The following PCDHGA1 variants were observed in gnomAD, a reference collection of about 807,000 sequenced individuals.
PCDHGA1 encodes the protein protocadherin gamma-A1.
A neutral mutation model predicts 58.0 loss-of-function variants in PCDHGA1; 32 were observed. The observed-to-expected ratio is 0.55, with a 90% CI of 0.42 to 0.74. PCDHGA1 has a LOEUF of 0.74. Among genes scored for constraint, PCDHGA1 ranks in the 30% least tolerant of loss-of-function variants. The pLI is 0.00. For synonymous variants in PCDHGA1, 498 were observed against 501.1 expected, an observed-to-expected ratio of 0.99 and a Z score of 0.08; for missense variants, 1,205 against 1,182.3, an observed-to-expected ratio of 1.02 and a Z score of -0.28.
At chr5:141,421,892 T>C in intron 1 of PCDHGA1, 1 of 1,613,684 alleles carries the variant, frequency 6.2e-7, no homozygotes, top group Non-Finnish European at 8.5e-7. Context: ...GGCGATCCCA[T>C]CCGAAAGGGC....
intron 1 of PCDHGA1, among the ~76,000 whole-genome samples, chr5:141,466,670 G>T (rs994949602): frequency 6.6e-6 from 1 of 152,046 alleles, no homozygotes; most frequent in Non-Finnish European, 1.5e-5. Flanking sequence ...TGATTTCACC[G>T]TTCTTCCACT....
chr5:141,502,468 C>A (rs1007796183), intron 2 of PCDHGA1, among the ~76,000 whole-genome samples: 6 of 151,190 alleles, frequency 4.0e-5, no homozygotes, highest in Non-Finnish European at 8.8e-5. Flanking sequence ...GGAATACTTC[C>A]CGCAGCATCA....
intron 1 of PCDHGA1, among the ~76,000 whole-genome samples, chr5:141,450,061 C>A (rs1219642208): frequency 7.2e-6 from 1 of 139,334 alleles, no homozygotes; most frequent in Non-Finnish European, 1.5e-5. Context: ...GGCTGGAATG[C>A]AGTGGTATGA....
intron 1 of PCDHGA1, chr5:141,427,316 C>G: frequency 2.2e-6 from 1 of 457,002 alleles, no homozygotes; most frequent in Non-Finnish European, 4.4e-6. Context: ...ATGCCCCAGA[C>G]GTGGTTTTTA....
At chr5:141,416,186 T>G (rs904230611) in intron 1 of PCDHGA1, 2 of 152,474 alleles carry the variant, frequency 1.3e-5, no homozygotes, top group African/African-American at 4.8e-5. Flanking sequence ...TTCATTAATA[T>G]TGAATTAACA....
At chr5:141,464,116 T>A (rs1195883274) in intron 1 of PCDHGA1, among the ~76,000 whole-genome samples, 1 of 151,922 alleles carries the variant, frequency 6.6e-6, no homozygotes, top group African/African-American at 2.4e-5. Context: ...AATACAAAAA[T>A]TAGCTGGGTG....
At chr5:141,366,954 C>A in intron 1 of PCDHGA1, 1 of 692,400 alleles carries the variant, frequency 1.4e-6, no homozygotes. Flanking sequence ...TATCTGTAGA[C>A]TTAAGTGAAA....
chr5:141,449,630 T>G (rs1006977026), intron 1 of PCDHGA1, among the ~76,000 whole-genome samples: 2 of 150,024 alleles, frequency 1.3e-5, no homozygotes, highest in Non-Finnish European at 3.0e-5. Flanking sequence ...TTTAAAAAGA[T>G]GTATCTATAT....
chr5:141,478,623 GT>G (rs1337268572), intron 1 of PCDHGA1: 14 of 1,554,358 alleles, frequency 9.0e-6, no homozygotes, highest in African/African-American at 1.4e-5. Context: ...GAATGGAGCT[GT>G]TTTTTTAGTG....
chr5:141,375,040 T>C (rs1771075321), intron 1 of PCDHGA1: 4 of 1,614,056 alleles, frequency 2.5e-6, no homozygotes, highest in Non-Finnish European at 3.4e-6. Flanking sequence ...AGCTGGGTGT[T>C]GAAGCCCGGG....
intron 1 of PCDHGA1, among the ~76,000 whole-genome samples, chr5:141,380,036 A>G (rs956010393): frequency 3.3e-5 from 5 of 151,364 alleles, no homozygotes; most frequent in African/African-American, 1.2e-4. Flanking sequence ...AGTAGCTGGG[A>G]TTACAGGTGC....
chr5:141,420,271 A>G, intron 1 of PCDHGA1: 1 of 1,536,584 alleles, frequency 6.5e-7, no homozygotes, highest in Non-Finnish European at 8.8e-7. Flanking sequence ...AGATTCTTAA[A>G]CAGGTAAGTA....
At chr5:141,399,445 G>GATA in intron 1 of PCDHGA1, 1 of 1,614,032 alleles carries the variant, frequency 6.2e-7, no homozygotes, top group Non-Finnish European at 8.5e-7. Flanking sequence ...ACATATCAGA[G>GATA]ACGTCAACGA....
chr5:141,403,109 G>T, intron 1 of PCDHGA1: 2 of 1,614,074 alleles, frequency 1.2e-6, no homozygotes, highest in Non-Finnish European at 1.7e-6. Flanking sequence ...CAAGGACCTG[G>T]CTCTGGAGCC....
intron 1 of PCDHGA1, among the ~76,000 whole-genome samples, chr5:141,458,663 G>A (rs1045303205): frequency 2.6e-5 from 4 of 151,804 alleles, no homozygotes; most frequent in Admixed American, 6.6e-5. Context: ...TCCACCTCTC[G>A]GGTTCAAGCA....
intron 1 of PCDHGA1, chr5:141,375,887 G>T (rs1290311886): frequency 2.5e-6 from 4 of 1,613,656 alleles, no homozygotes; most frequent in South Asian, 1.1e-5. Context: ...GGGCCAGAAC[G>T]CCTGGCTGTC....
intron 1 of PCDHGA1, among the ~76,000 whole-genome samples, chr5:141,444,558 T>C (rs2098440789): frequency 6.6e-6 from 1 of 152,190 alleles, no homozygotes; most frequent in African/African-American, 2.4e-5. Context: ...AAGGCACTTA[T>C]TTGACACTTT....
chr5:141,399,448 G>A (rs1272959259), intron 1 of PCDHGA1: 5 of 1,613,872 alleles, frequency 3.1e-6, no homozygotes, highest in Non-Finnish European at 4.2e-6. Flanking sequence ...TATCAGAGAC[G>A]TCAACGATAA....
rs373867677 is a variant in PCDHGA1 at position 141,432,049 on chromosome 5, G to A, written c.2422-62758G>A. The A allele has an allele frequency of 2.0e-5, 32 of 1,614,150 alleles. No individual in the cohort carries two copies. In the African/African-American group the frequency reaches 4.1e-4, roughly 21 times the overall value. ...TGACCGCCACTGACCGGGGAACCCC[G>A]CCCCTATCCACGGAAACTCATATCT... On this transcript the variant is annotated intron_variant, in intron 1 of 3. Coordinates refer to ENST00000517417, the MANE Select transcript of PCDHGA1 (RefSeq NM_018912.3). The surrounding 1 kb of genome is among the most constrained non-coding windows in gnomAD (Gnocchi z 6.0).
Sources: gnomAD v4.1 joint callset for allele counts (sites outside exome capture counted in the v4.1 genomes callset) on GRCh38, gnomAD v4.1.1 for gene constraint, Gnocchi (gnomAD v3.1) non-coding constraint, MANE v1.5 for transcripts, NCBI Gene and HGNC (gene_info 2026-07-23, HGNC 2026-07-21) for gene names.